Variants in GLRA3 observed in about 807,000 individuals in gnomAD.
GLRA3 encodes glycine receptor subunit alpha-3.
GLRA3 carries 44 observed loss-of-function variants against 60.4 expected under a neutral mutation model. The observed-to-expected ratio is 0.73, with a 90% confidence interval of 0.57 to 0.94. The LOEUF (loss-of-function observed/expected upper bound fraction) is 0.94, where lower values mean the gene tolerates loss of function less well. GLRA3 is among the 40% of genes least tolerant of loss of function. The pLI, the probability that GLRA3 is intolerant of heterozygous loss-of-function variation, is 0.00. For synonymous variants in GLRA3, 223 were observed against 192.9 expected (o/e 1.16, Z -1.29); for missense variants, 508 against 564.6 (o/e 0.90, Z 1.02).
chr4:174,765,964 C>A (rs1738123889), intron 3 of GLRA3, among the ~76,000 whole-genome samples: 1 of 150,816 alleles, frequency 6.6e-6, no homozygotes, highest in South Asian at 2.1e-4. Flanking sequence ...TAAATGATGC[C>A]TGTATAAAGC....
At chr4:174,752,861 A>G (rs1737542391) in intron 3 of GLRA3, among the ~76,000 whole-genome samples, 1 of 152,020 alleles carries the variant, frequency 6.6e-6, no homozygotes, top group Non-Finnish European at 1.5e-5. Context: ...TGCTTTATCT[A>G]GCCTCTGGAG....
At chr4:174,809,420 G>A (rs1368377787) in intron 1 of GLRA3, among the ~76,000 whole-genome samples, 2 of 152,066 alleles carry the variant, frequency 1.3e-5, no homozygotes, top group Non-Finnish European at 2.9e-5. Flanking sequence ...ATAATAGTAA[G>A]AAAAATGTGA....
At chr4:174,827,005 A>T (rs1245752403) in intron 1 of GLRA3, among the ~76,000 whole-genome samples, 2 of 151,864 alleles carry the variant, frequency 1.3e-5, no homozygotes, top group African/African-American at 4.8e-5. Flanking sequence ...CTAGTCATGG[A>T]TAGAGAAAAA....
intron 1 of GLRA3, among the ~76,000 whole-genome samples, chr4:174,827,667 AAAT>A (rs1218156782): frequency 6.6e-6 from 1 of 152,024 alleles, no homozygotes; most frequent in East Asian, 1.9e-4. Context: ...ATAATTTCAG[AAAT>A]AATAACCATC....
chr4:174,776,590 T>C (rs1448339468), intron 2 of GLRA3, among the ~76,000 whole-genome samples: 1 of 152,050 alleles, frequency 6.6e-6, no homozygotes, highest in Non-Finnish European at 1.5e-5. Flanking sequence ...GTGAAAGGCC[T>C]AGAAAGCAAT....
At chr4:174,767,362 C>T (rs111643182) in intron 2 of GLRA3, among the ~76,000 whole-genome samples, 16 of 152,016 alleles carry the variant, frequency 1.1e-4, no homozygotes, top group South Asian at 6.2e-4. Flanking sequence ...ATCTTTTCCC[C>T]GCTGCATGGG....
intron 2 of GLRA3, among the ~76,000 whole-genome samples, chr4:174,782,874 C>G (rs372392246): frequency 2.6e-4 from 40 of 151,790 alleles, no homozygotes; most frequent in Non-Finnish European, 3.8e-4. Flanking sequence ...AATCAATATC[C>G]TGAAAATGGC....
intron 5 of GLRA3, among the ~76,000 whole-genome samples, chr4:174,695,418 G>A (rs1159589510): frequency 6.6e-6 from 1 of 152,046 alleles, no homozygotes; most frequent in Non-Finnish European, 1.5e-5. Context: ...TTCCCAGGAT[G>A]CAAGATTGGT....
intron 3 of GLRA3, among the ~76,000 whole-genome samples, chr4:174,745,030 C>G (rs1483844380): frequency 6.6e-6 from 1 of 152,062 alleles, no homozygotes; most frequent in African/African-American, 2.4e-5. Flanking sequence ...TCAAAAGCTT[C>G]AACAATAGAC....
chr4:174,657,359 A>T (rs944198698), intron 8 of GLRA3, among the ~76,000 whole-genome samples: 1 of 152,178 alleles, frequency 6.6e-6, no homozygotes, highest in Admixed American at 6.5e-5. Context: ...CGGATGCACA[A>T]TACTTCTCTT....
chr4:174,644,937 A>G (rs188763808), intron 9 of GLRA3, among the ~76,000 whole-genome samples: 2 of 152,214 alleles, frequency 1.3e-5, no homozygotes, highest in African/African-American at 4.8e-5. Context: ...CAAATTATTA[A>G]TAATTTACTT....
At chr4:174,747,789 G>A (rs1387284332) in intron 3 of GLRA3, among the ~76,000 whole-genome samples, 1 of 151,816 alleles carries the variant, frequency 6.6e-6, no homozygotes, top group Non-Finnish European at 1.5e-5. Flanking sequence ...ACAATTGAGG[G>A]AGATAATCAG....
chr4:174,788,951 T>C lies in GLRA3; in HGVS notation c.72-8A>G. 2.6e-6 allele frequency: 4 copies of C among 1,558,054 alleles called. No individual in the cohort carries two copies. The highest frequency in any genetic ancestry group is 2.6e-6 in the Non-Finnish European group (3 of 1,148,038). ...TCCTTTGTGGCAACCAAACTACAAATAAGAACAAAAATATAGACTTTACAA... is the reference window on the plus strand; with the variant it reads ...TCCTTTGTGGCAACCAAACTACAAACAAGAACAAAAATATAGACTTTACAA... On this transcript the variant is annotated splice_polypyrimidine_tract_variant and splice_region_variant and intron_variant, in intron 1 of 9. Coordinates refer to ENST00000274093, the MANE Select transcript of GLRA3 (RefSeq NM_006529.4).
chr4:174,765,080 T>G (rs1353323624), intron 3 of GLRA3, among the ~76,000 whole-genome samples: 1 of 152,012 alleles, frequency 6.6e-6, no homozygotes, highest in Non-Finnish European at 1.5e-5. Context: ...ATGGAGTATG[T>G]AGGTAAGGAA....
At chr4:174,694,760 C>G (rs930254730) in intron 5 of GLRA3, among the ~76,000 whole-genome samples, 1 of 151,690 alleles carries the variant, frequency 6.6e-6, no homozygotes. Flanking sequence ...GGAAATCAAG[C>G]CACAAAAAAG....
In GLRA3 at chr4:174,826,384, G is replaced by A. The variant is rs143626994; in HGVS notation, c.71+2357C>T. On this transcript the variant is annotated intron_variant, in intron 1 of 9. Transcript: ENST00000274093. ...AAGATATACTTATTATATAAGTCAGGAGAGTGATTACCTTTGGCCAAGGTA... is the reference window on the plus strand; with the variant it reads ...AAGATATACTTATTATATAAGTCAGAAGAGTGATTACCTTTGGCCAAGGTA... Among the ~76,000 whole-genome samples, 5 of 152,270 alleles carry A rather than the reference G, an allele frequency of 3.3e-5. No individual in the cohort carries two copies. In the East Asian group the frequency reaches 9.6e-4, roughly 29 times the overall value.
intron 6 of GLRA3, among the ~76,000 whole-genome samples, chr4:174,679,990 A>T (rs866830911): frequency 6.6e-6 from 1 of 152,202 alleles, no homozygotes; most frequent in South Asian, 2.1e-4. Flanking sequence ...AAGTAGAAAG[A>T]AGAAAAGATT....
intron 3 of GLRA3, among the ~76,000 whole-genome samples, chr4:174,759,794 C>A (rs529609185): frequency 9.2e-5 from 14 of 152,068 alleles, no homozygotes; most frequent in Non-Finnish European, 1.9e-4. Context: ...AGTAATTATT[C>A]AATTGTGAAA....
chr4:174,692,316 G>A (rs558559706), intron 5 of GLRA3, among the ~76,000 whole-genome samples: 3 of 147,102 alleles, frequency 2.0e-5, no homozygotes, highest in East Asian at 2.0e-4. Flanking sequence ...GGAGGGAGGT[G>A]GGGGGGTCAG....
Sources: allele counts gnomAD v4.1 joint callset (sites outside exome capture counted in the v4.1 genomes callset), GRCh38; gene constraint gnomAD v4.1.1; transcripts MANE v1.5; gene names NCBI Gene and HGNC (gene_info 2026-07-23, HGNC 2026-07-21).